Variants in ABLIM1 observed in about 807,000 individuals in gnomAD.
The protein encoded by ABLIM1 is actin binding LIM protein 1, also known as actin-binding LIM protein 1.
In ABLIM1, 40 loss-of-function variants were observed where a neutral mutation model predicts 107.0. The ratio of observed to expected loss-of-function variants is 0.37; its 90% CI spans 0.29 to 0.49. ABLIM1 has a LOEUF of 0.49. Among genes scored for constraint, ABLIM1 ranks in the 20% least tolerant of loss-of-function variants. The probability of loss-of-function intolerance (pLI) is 0.97; values close to 1 mark genes in which losing one functional copy is unlikely to be tolerated. For missense variants in ABLIM1, 857 were observed against 1,008.5 expected, an observed-to-expected ratio of 0.85 and a Z score of 2.04; for synonymous variants, 357 against 357.3, an observed-to-expected ratio of 1.00 and a Z score of 0.01.
In ABLIM1 at chr10:114,460,327, G is replaced by A. The variant is rs551366856; in HGVS notation, c.1441+5371C>T. 1.1e-3 allele frequency among the ~76,000 whole-genome samples: 166 copies of A among 149,134 alleles called. 3 individuals carry two copies. The highest frequency in any genetic ancestry group is 6.8e-3 in the Middle Eastern group (2 of 294). On this transcript the variant is annotated intron_variant, in intron 12 of 22. Transcript: ENST00000533213. ...CATCAAAAATGATTTAAGGTCGGGC[G>A]CGGTGGCTCACGCCTGTAATCCCAG...
chr10:114,746,210 T>C (rs2082381823), intron 1 of ABLIM1, among the ~76,000 whole-genome samples: 2 of 152,206 alleles, frequency 1.3e-5, no homozygotes, highest in African/African-American at 4.8e-5. Flanking sequence ...AACTGAGGCT[T>C]TGTACCCTTT....
Position 114,753,984 on chromosome 10 carries a change from TG to T in ABLIM1, c.-213+14076del, listed in dbSNP as rs201951887. 2.2e-3 allele frequency among the ~76,000 whole-genome samples: 336 copies of T among 152,318 alleles called. 9 individuals carry two copies. In the East Asian group the frequency reaches 0.057, roughly 26 times the overall value. On this transcript the variant is annotated intron_variant, in intron 1 of 15. Transcript: ENST00000651092. Reference sequence around the variant, plus strand: ...CTCCTGCCTCAGCCTCCCAAGTAGCTGGGACTACAGGCACATGCCACTAGAC... The same window carrying T: ...CTCCTGCCTCAGCCTCCCAAGTAGCTGGACTACAGGCACATGCCACTAGAC...
At position 114,589,558 on chromosome 10, in the gene ABLIM1, G is replaced by T. The variant is rs532817179; in HGVS notation, c.379+12269C>A. 3.4e-3 allele frequency among the ~76,000 whole-genome samples: 520 copies of T among 151,278 alleles called. 2 individuals carry two copies. Among genetic ancestry groups the T allele is most frequent in the Non-Finnish European group, 2.7e-3 (180 of 67,778 alleles). On this transcript the variant is annotated intron_variant, in intron 2 of 22. Transcript: ENST00000533213. Reference sequence around the variant, plus strand: ...AAAAAAAAAGAGAGAGAGAGAGAGGGGCTTGGTATGTTGCCCAAGCTGGAG... The same window carrying T: ...AAAAAAAAAGAGAGAGAGAGAGAGGTGCTTGGTATGTTGCCCAAGCTGGAG...
intron 6 of ABLIM1, among the ~76,000 whole-genome samples, chr10:114,513,283 C>T (rs1017165487): frequency 3.9e-5 from 6 of 152,128 alleles, no homozygotes; most frequent in African/African-American, 1.2e-4. Flanking sequence ...ATCAGTTCTT[C>T]ATTCAGAAAT....
In ABLIM1 at chr10:114,434,207, A is replaced by G. The variant is rs1055299174; in HGVS notation, c.*2053T>C. On this transcript the variant is annotated 3_prime_UTR_variant, in exon 23 of 23. Transcript: ENST00000533213. ...ACTGCAAACTGCAGTGTGGCTTCCA[A>G]CCAAGCAAGAGCTGGTCTCATCTGC... is the stretch of plus-strand genomic sequence containing the variant. The G allele has an allele frequency of 6.6e-6, 1 of 151,858 alleles. No individual in the cohort carries two copies. Among genetic ancestry groups the G allele is most frequent in the Non-Finnish European group, 1.5e-5 (1 of 68,018 alleles). 9.4% of individuals were successfully genotyped at this position (151,858 alleles called of 1,614,324 possible).
intron 1 of ABLIM1, among the ~76,000 whole-genome samples, chr10:114,663,987 T>C (rs915110780): frequency 1.3e-5 from 2 of 152,202 alleles, no homozygotes; most frequent in African/African-American, 4.8e-5. Context: ...CTCTCAACAC[T>C]GAAAAGCTCT....
intron 1 of ABLIM1, among the ~76,000 whole-genome samples, chr10:114,674,499 T>C (rs766698168): frequency 6.6e-6 from 1 of 152,196 alleles, no homozygotes; most frequent in Non-Finnish European, 1.5e-5. Flanking sequence ...GTTCAAGCTC[T>C]GGCTCCGCTA....
intron 21 of ABLIM1, among the ~76,000 whole-genome samples, chr10:114,438,433 TAA>T (rs2059733148): frequency 6.6e-6 from 1 of 152,096 alleles, no homozygotes; most frequent in African/African-American, 2.4e-5. Context: ...CAATTTTTTT[TAA>T]GTTTTAGTAG....
At chr10:114,469,503 C>T (rs575008606) in intron 10 of ABLIM1, among the ~76,000 whole-genome samples, 2 of 152,324 alleles carry the variant, frequency 1.3e-5, no homozygotes, top group Non-Finnish European at 1.5e-5. Context: ...AGGGCTCATT[C>T]CCTGTCAGCG....
At chr10:114,704,302 C>CTCTATATATATATATATATATATA (rs1380460034) in intron 1 of ABLIM1, among the ~76,000 whole-genome samples, 2 of 43,058 alleles carry the variant, frequency 4.6e-5, no homozygotes, top group Non-Finnish European at 4.7e-5. Context: ...CTCTCTCTCT[C>CTCTATATATATATATATATATATA]TATATATATA....
At chr10:114,617,566 C>T (rs1303715972) in intron 1 of ABLIM1, among the ~76,000 whole-genome samples, 1 of 152,106 alleles carries the variant, frequency 6.6e-6, no homozygotes, top group Non-Finnish European at 1.5e-5. Context: ...CTGTGCCCAG[C>T]TTCTCACCAC....
At chr10:114,536,640 T>C (rs2066071581) in intron 6 of ABLIM1, among the ~76,000 whole-genome samples, 1 of 152,112 alleles carries the variant, frequency 6.6e-6, no homozygotes, top group African/African-American at 2.4e-5. Flanking sequence ...TAATATTCCG[T>C]TTTCTAGATA....
At chr10:114,603,401 C>T (rs1003152163) in intron 1 of ABLIM1, among the ~76,000 whole-genome samples, 5 of 151,900 alleles carry the variant, frequency 3.3e-5, no homozygotes, top group African/African-American at 1.2e-4. Flanking sequence ...TCAGGTTGAA[C>T]ACCTGATCTG....
chr10:114,696,392 C>G (rs1306138277), intron 1 of ABLIM1, among the ~76,000 whole-genome samples: 1 of 152,190 alleles, frequency 6.6e-6, no homozygotes, highest in Non-Finnish European at 1.5e-5. Context: ...CATGGATGAG[C>G]TTCATTGCAC....
chr10:114,492,994 A>T (rs1489568282), intron 6 of ABLIM1, among the ~76,000 whole-genome samples: 1 of 152,242 alleles, frequency 6.6e-6, no homozygotes, highest in Non-Finnish European at 1.5e-5. Flanking sequence ...AAATCTTTTC[A>T]GTGGTGCCTG....
rs116811326 is a variant in ABLIM1 at position 114,612,502 on chromosome 10, G to A, written c.245-10541C>T. Among the ~76,000 whole-genome samples, 834 of 152,292 alleles carry A rather than the reference G, an allele frequency of 5.5e-3. 6 individuals are homozygous for A. The highest frequency in any genetic ancestry group is 0.019 in the African/African-American group (783 of 41,562). ...CTAAGACAGAGCCCCCACAGCCTCAGCCTGGCACACAGATGCCCATGTCAG... is the reference window on the plus strand; with the variant it reads ...CTAAGACAGAGCCCCCACAGCCTCAACCTGGCACACAGATGCCCATGTCAG... On this transcript the variant is annotated intron_variant, in intron 1 of 22. Transcript: ENST00000533213.
chr10:114,718,111 G>GGAAGGAAGGAGAAGAA (rs2081742151), intron 1 of ABLIM1, among the ~76,000 whole-genome samples: 1 of 109,330 alleles, frequency 9.1e-6, no homozygotes, highest in Non-Finnish European at 2.0e-5. Flanking sequence ...AAAAGAAAAA[G>GGAAGGAAGGAGAAGAA]AAAGAAAGAA....
At chr10:114,634,150 T>TTTTTTTTTTG (rs61002517) in intron 1 of ABLIM1, among the ~76,000 whole-genome samples, 1 of 127,396 alleles carries the variant, frequency 7.8e-6, no homozygotes, top group Admixed American at 7.8e-5. Flanking sequence ...TTTTTTTTTT[T>TTTTTTTTTTG]GAGACGGAGT....
At chr10:114,572,770 G>C (rs2071884794) in intron 3 of ABLIM1, among the ~76,000 whole-genome samples, 1 of 152,196 alleles carries the variant, frequency 6.6e-6, no homozygotes, top group Non-Finnish European at 1.5e-5. Flanking sequence ...TGTTCTGTAA[G>C]GAGGGAGTCA....
Sources: gnomAD v4.1 joint callset for allele counts (sites outside exome capture counted in the v4.1 genomes callset) on GRCh38, gnomAD v4.1.1 for gene constraint, MANE v1.5 for transcripts, NCBI Gene and HGNC (gene_info 2026-07-23, HGNC 2026-07-21) for gene names.